The following MCM10 variants were observed in gnomAD, a reference collection of about 807,000 sequenced individuals.
MCM10 encodes protein MCM10 homolog.
Under a neutral mutation model 109.9 loss-of-function variants are expected in MCM10, and 91 were observed. The observed-to-expected ratio is 0.83, with a 90% CI of 0.70 to 0.99. MCM10 has a LOEUF of 0.99. Among genes scored for constraint, MCM10 ranks in the 50% least tolerant of loss-of-function variants. MCM10 has a pLI of 0.00. For missense variants in MCM10, 1,077 were observed against 1,061.2 expected (o/e 1.01, Z -0.21); for synonymous variants, 380 against 387.2 (o/e 0.98, Z 0.22).
intron 18 of MCM10, among the ~76,000 whole-genome samples, chr10:13,205,673 G>A (rs544033459): frequency 1.3e-5 from 2 of 152,162 alleles, no homozygotes; most frequent in South Asian, 2.1e-4. Context: ...CCACATCCAC[G>A]CCAGCATCTG....
intron 9 of MCM10, 21 bp downstream of exon 9, chr10:13,186,301 G>A: frequency 6.7e-7 from 1 of 1,491,454 alleles, no homozygotes; most frequent in Non-Finnish European, 9.3e-7. Context: ...GCCTTGTTAG[G>A]ATGGTTTCTG....
At chr10:13,206,577 A>ATAAT (rs1834583930) in intron 18 of MCM10, among the ~76,000 whole-genome samples, 2 of 152,338 alleles carry the variant, frequency 1.3e-5, no homozygotes, top group African/African-American at 4.8e-5. Context: ...AATCTAGATT[A>ATAAT]TAATTTTTAA....
chr10:13,182,923 T>C lies in MCM10; in HGVS notation c.931-10T>C, dbSNP rs1185199304. 6 of 1,607,534 alleles carry C rather than the reference T, an allele frequency of 3.7e-6. No homozygotes were observed. Among genetic ancestry groups the C allele is most frequent in the East Asian group, 2.2e-5 (1 of 44,792 alleles). On this transcript the variant is annotated splice_polypyrimidine_tract_variant and intron_variant, in intron 7 of 19. Coordinates refer to ENST00000378714, the MANE Select transcript of MCM10 (RefSeq NM_018518.5). The surrounding 1 kb of genome is among the most constrained non-coding windows in gnomAD (Gnocchi z 4.2). ...AGTTCAAAATTATAAAAAATAACTA[T>C]TTGTTCCAGGGAAAAACCTTCAGCA...
At chr10:13,192,161 A>G in intron 11 of MCM10, 94 bp from the exon 12 acceptor site, 2 of 758,142 alleles carry the variant, frequency 2.6e-6, no homozygotes, top group Non-Finnish European at 4.4e-6. Context: ...ACGTATGACT[A>G]AAATTACAAG....
intron 5 of MCM10, among the ~76,000 whole-genome samples, chr10:13,174,119 G>C (rs565777461): frequency 6.7e-6 from 1 of 150,324 alleles, no homozygotes; most frequent in Admixed American, 6.7e-5. Context: ...AGAAGAAAAG[G>C]GGAGCTAGTT....
intron 1 of MCM10, 111 bp downstream of exon 1, chr10:13,161,717 C>T (rs1448379331): frequency 1.3e-5 from 2 of 152,360 alleles, no homozygotes; most frequent in African/African-American, 4.8e-5. Context: ...GGCGCGGGGT[C>T]CCGGGAGCTC....
intron 16 of MCM10, among the ~76,000 whole-genome samples, chr10:13,200,746 A>T (rs887549349): frequency 1.3e-5 from 2 of 152,230 alleles, no homozygotes; most frequent in Admixed American, 6.5e-5. Context: ...TACCTTGTGT[A>T]TGTGGAGTCT....
intron 2 of MCM10, 74 bp from the exon 3 acceptor site, chr10:13,170,848 A>T (rs75610705): frequency 0.054 from 73,914 of 1,371,970 alleles, 2,260 homozygotes; most frequent in Admixed American, 0.093. Flanking sequence ...CCATGGGGTC[A>T]TTTAAATTGC....
At chr10:13,193,865 C>T (rs915444227) in intron 13 of MCM10, among the ~76,000 whole-genome samples, 9 of 152,040 alleles carry the variant, frequency 5.9e-5, no homozygotes, top group Admixed American at 2.0e-4. Context: ...CTTATCTTTG[C>T]GTAGGATTTG....
chr10:13,200,625 A>T (rs1221307196), intron 16 of MCM10, among the ~76,000 whole-genome samples: 1 of 152,142 alleles, frequency 6.6e-6, no homozygotes, highest in Non-Finnish European at 1.5e-5. Flanking sequence ...CTGTCTGTGG[A>T]GCAGCACTAA....
chr10:13,170,365 CTTTT>C lies in MCM10; in HGVS notation c.8-549_8-546del, dbSNP rs35129146. On this transcript the variant is annotated intron_variant, in intron 2 of 19. Transcript: ENST00000378714. The stretch of plus-strand genomic sequence containing the variant: ...TTAGTATTTTTTATATAGTTTGTAT[CTTTT>C]TTTTTTTAAATCTCAAATAATTTGA... Among the ~76,000 whole-genome samples the C allele has an allele frequency of 1.4e-3, 214 of 148,984 alleles. 1 individual carries two copies. Among genetic ancestry groups the C allele is most frequent in the African/African-American group, 5.3e-3 (213 of 40,464 alleles).
In MCM10 at chr10:13,172,779, G is replaced by A. The variant is rs767533994; in HGVS notation, c.592+14G>A. Reference sequence around the variant, plus strand: ...CTTCACCTCCAGGTGTAGTACTTGCGGTCTCAGTATCTTGGCACTATTGTA... The same window carrying A: ...CTTCACCTCCAGGTGTAGTACTTGCAGTCTCAGTATCTTGGCACTATTGTA... On this transcript the variant is annotated intron_variant, in intron 5 of 19. Transcript: ENST00000378714. This position sits in a 1 kb window ranked among gnomAD's most constrained non-coding sequence, Gnocchi z 5.2. 9.3e-6 allele frequency: 15 copies of A among 1,613,510 alleles called. No homozygotes were observed. In the Admixed American group the frequency reaches 1.2e-4, roughly 13 times the overall value.
intron 17 of MCM10, among the ~76,000 whole-genome samples, chr10:13,203,314 G>A (rs1834524999): frequency 1.3e-5 from 2 of 152,124 alleles, no homozygotes; most frequent in South Asian, 4.1e-4. Context: ...CCTCCATGCA[G>A]CCAGCGGCAG....
intron 11 of MCM10, 103 bp downstream of exon 11, chr10:13,191,502 G>T: frequency 1.2e-6 from 1 of 810,476 alleles, no homozygotes; most frequent in African/African-American, 1.7e-5. Flanking sequence ...CTCCGGTGAT[G>T]GGTACACCAA....
rs1834068456 is a variant in MCM10 at position 13,171,211 on chromosome 10, G to C, written c.297G>C (p.Arg99Ser). The change falls in exon 3 of 20, where the codon AGG (arginine) becomes AGC (serine). Residue 99 changes from arginine (R) to serine (S), a missense_variant. Arg to Ser is a moderately radical substitution (Grantham distance 110). Coordinates refer to ENST00000378714, the MANE Select transcript of MCM10 (RefSeq NM_018518.5). ...CCGCATCACAGTCAACTGAAAATAG[G>C]GTCCTCCCTGCTCCTGCCCCCAGGC... ...EVPASQSTENRVLPAPAPRRE... is the reference protein window; with the variant it reads ...EVPASQSTENSVLPAPAPRRE... The C allele has an allele frequency of 1.2e-6, 2 of 1,614,072 alleles. No individual in the cohort carries two copies. Among genetic ancestry groups the C allele is most frequent in the Non-Finnish European group, 1.7e-6 (2 of 1,179,988 alleles).
chr10:13,194,562 A>AG (rs750113785), intron 13 of MCM10, among the ~76,000 whole-genome samples: 14 of 152,212 alleles, frequency 9.2e-5, no homozygotes, highest in Admixed American at 1.3e-4. Context: ...ATCAAAAAAA[A>AG]GAAAGGGGAT....
intron 8 of MCM10, among the ~76,000 whole-genome samples, chr10:13,184,185 G>T (rs1284194972): frequency 6.6e-6 from 1 of 151,978 alleles, no homozygotes; most frequent in Non-Finnish European, 1.5e-5. Context: ...TAGAGACAGG[G>T]TTTCACTATG....
chr10:13,187,381 T>C (rs1036847981), intron 9 of MCM10, among the ~76,000 whole-genome samples: 1 of 152,272 alleles, frequency 6.6e-6, no homozygotes, highest in Non-Finnish European at 1.5e-5. Context: ...CTTTCATCAG[T>C]TGATACACGC....
chr10:13,186,970 C>T (rs932738332), intron 9 of MCM10, among the ~76,000 whole-genome samples: 7 of 152,058 alleles, frequency 4.6e-5, no homozygotes, highest in African/African-American at 1.4e-4. Context: ...CCAGCCTGGG[C>T]GATAGAGTGA....
Sources: allele counts gnomAD v4.1 joint callset (sites outside exome capture counted in the v4.1 genomes callset), GRCh38; gene constraint gnomAD v4.1.1; non-coding constraint Gnocchi (gnomAD v3.1); transcripts MANE v1.5; gene names NCBI Gene and HGNC (gene_info 2026-07-23, HGNC 2026-07-21).